The following FBXL17 variants were observed in gnomAD, a reference collection of about 807,000 sequenced individuals.
FBXL17 encodes F-box/LRR-repeat protein 17.
Under a neutral mutation model 66.2 loss-of-function variants are expected in FBXL17, and 22 were observed. The observed-to-expected ratio is 0.33, with a 90% CI of 0.24 to 0.47. The LOEUF (loss-of-function observed/expected upper bound fraction) is 0.47, where lower values mean the gene tolerates loss of function less well. Ranked by LOEUF, FBXL17 falls within the 20% of genes least tolerant of loss-of-function variation. The probability of loss-of-function intolerance (pLI) is 1.00; values close to 1 mark genes in which losing one functional copy is unlikely to be tolerated. For missense variants in FBXL17, 878 were observed against 948.2 expected, an observed-to-expected ratio of 0.93 and a Z score of 0.97; for synonymous variants, 474 against 400.5, an observed-to-expected ratio of 1.18 and a Z score of -2.19.
intron 1 of FBXL17, among the ~76,000 whole-genome samples, chr5:108,374,213 T>C (rs1749263971): frequency 6.6e-6 from 1 of 152,294 alleles, no homozygotes; most frequent in East Asian, 1.9e-4. Flanking sequence ...ATCAGATATC[T>C]CTAGAACACT....
rs1747425167 is a variant in FBXL17 at position 108,348,514 on chromosome 5, C to T, written c.1391G>A (p.Arg464Lys). Residue 464 changes from arginine to lysine, a missense_variant, in exon 4 of 9, where the codon AGA (arginine) becomes AAA (lysine). Coordinates refer to ENST00000542267, the MANE Select transcript of FBXL17 (RefSeq NM_001163315.3). The stretch of plus-strand genomic sequence containing the variant: ...GCCGAAATGAATATCTTTGAGTTCT[C>T]TGCATTTTGAGCCCAGCTGTAAACA... ...EGLKQLGSKC[R>K]ELKDIHFGQC... The T allele has an allele frequency of 6.2e-7, 1 of 1,612,980 alleles. No homozygotes were observed. Among genetic ancestry groups the T allele is most frequent in the Non-Finnish European group, 8.5e-7 (1 of 1,179,278 alleles).
chr5:108,344,137 C>T (rs1455580835), intron 4 of FBXL17, among the ~76,000 whole-genome samples: 1 of 151,868 alleles, frequency 6.6e-6, no homozygotes, highest in Non-Finnish European at 1.5e-5. Flanking sequence ...TCAAAAATGG[C>T]GTTTGCCTCC....
At chr5:108,000,259 G>A (rs962686580) in intron 7 of FBXL17, among the ~76,000 whole-genome samples, 7 of 152,140 alleles carry the variant, frequency 4.6e-5, no homozygotes, top group African/African-American at 1.7e-4. Context: ...CTGACTTCCG[G>A]TCTAACCAGA....
intron 6 of FBXL17, among the ~76,000 whole-genome samples, chr5:108,062,683 A>G (rs1232907649): frequency 6.6e-6 from 1 of 152,160 alleles, no homozygotes; most frequent in Non-Finnish European, 1.5e-5. Context: ...ACTTTTTTGG[A>G]GAATAAACCA....
intron 6 of FBXL17, among the ~76,000 whole-genome samples, chr5:108,148,895 T>TGG (rs1307723795): frequency 6.6e-6 from 1 of 152,200 alleles, no homozygotes; most frequent in Non-Finnish European, 1.5e-5. Context: ...GTCACAACAA[T>TGG]ATCACTAATA....
At chr5:108,074,128 G>GA (rs1580405886) in intron 6 of FBXL17, among the ~76,000 whole-genome samples, 2 of 152,118 alleles carry the variant, frequency 1.3e-5, no homozygotes, top group East Asian at 3.9e-4. Context: ...CCCACTGGGG[G>GA]ACTGTGATGC....
At chr5:108,010,008 A>G (rs1344940675) in intron 7 of FBXL17, among the ~76,000 whole-genome samples, 2 of 152,152 alleles carry the variant, frequency 1.3e-5, no homozygotes, top group Non-Finnish European at 2.9e-5. Context: ...TCACTGACAG[A>G]TCCAGTTCTT....
intron 6 of FBXL17, among the ~76,000 whole-genome samples, chr5:108,024,160 G>T (rs1168172431): frequency 6.6e-6 from 1 of 152,116 alleles, no homozygotes; most frequent in East Asian, 1.9e-4. Context: ...CTTCATGTAT[G>T]ACAACATAAG....
chr5:108,282,409 C>A (rs1757735987), intron 4 of FBXL17, among the ~76,000 whole-genome samples: 1 of 151,706 alleles, frequency 6.6e-6, no homozygotes, highest in African/African-American at 2.4e-5. Context: ...GGATCAAGGA[C>A]AAAAACCATA....
chr5:107,946,255 T>TTTTTTATATA (rs1208616623), intron 7 of FBXL17, among the ~76,000 whole-genome samples: 2 of 40,390 alleles, frequency 5.0e-5, no homozygotes, highest in Non-Finnish European at 8.8e-5. Context: ...CAATCTCATT[T>TTTTTTATATA]TATATATATA....
intron 6 of FBXL17, among the ~76,000 whole-genome samples, chr5:108,022,501 G>A (rs557173814): frequency 5.3e-5 from 8 of 151,790 alleles, no homozygotes; most frequent in South Asian, 2.1e-4. Flanking sequence ...ATAATCTGAC[G>A]GCTTTCTGTC....
intron 4 of FBXL17, among the ~76,000 whole-genome samples, chr5:108,231,773 C>T (rs1173933059): frequency 6.6e-6 from 1 of 152,148 alleles, no homozygotes. Flanking sequence ...ACTCAGTCTA[C>T]TACTCCATAA....
intron 7 of FBXL17, among the ~76,000 whole-genome samples, chr5:108,017,985 C>A (rs1329018470): frequency 1.3e-5 from 2 of 152,044 alleles, no homozygotes; most frequent in African/African-American, 2.4e-5. Flanking sequence ...CTGTGAGAAT[C>A]TTGACAAAAA....
intron 4 of FBXL17, among the ~76,000 whole-genome samples, chr5:108,241,943 G>A (rs1755870898): frequency 6.6e-6 from 1 of 151,956 alleles, no homozygotes; most frequent in Admixed American, 6.6e-5. Context: ...ACATGAAGGA[G>A]GAATAAAGAC....
At chr5:108,162,469 G>A (rs1752252157) in intron 6 of FBXL17, among the ~76,000 whole-genome samples, 1 of 152,130 alleles carries the variant, frequency 6.6e-6, no homozygotes, top group East Asian at 1.9e-4. Context: ...CAACCTGGGT[G>A]ACAGAGCAAG....
intron 6 of FBXL17, among the ~76,000 whole-genome samples, chr5:108,126,684 T>TATATATATATATATATATATAC (rs1313924066): frequency 7.4e-6 from 1 of 135,544 alleles, no homozygotes; most frequent in Admixed American, 7.7e-5. Context: ...TATATATATA[T>TATATATATATATATATATATAC]ACACACATAC....
chr5:108,108,344 T>C (rs912025922), intron 6 of FBXL17, among the ~76,000 whole-genome samples: 1 of 152,182 alleles, frequency 6.6e-6, no homozygotes, highest in African/African-American at 2.4e-5. Context: ...GTGCTAACAA[T>C]AGGGAAATCA....
chr5:108,182,564 T>TA (rs1390495772), intron 6 of FBXL17, among the ~76,000 whole-genome samples: 2 of 152,210 alleles, frequency 1.3e-5, no homozygotes, highest in African/African-American at 4.8e-5. Flanking sequence ...TCAACCTCAT[T>TA]AAAATGCATG....
intron 6 of FBXL17, among the ~76,000 whole-genome samples, chr5:108,086,629 G>A (rs945920310): frequency 7.2e-5 from 11 of 152,058 alleles, no homozygotes; most frequent in Admixed American, 4.6e-4. Flanking sequence ...CATGATCTCC[G>A]ATCACTGCGA....
Sources: gnomAD v4.1 joint callset for allele counts (sites outside exome capture counted in the v4.1 genomes callset) on GRCh38, gnomAD v4.1.1 for gene constraint, MANE v1.5 for transcripts, NCBI Gene and HGNC (gene_info 2026-07-23, HGNC 2026-07-21) for gene names.